The following NRXN1 variants were observed in gnomAD, a reference collection of about 807,000 sequenced individuals.
NRXN1 encodes the protein neurexin-1.
Under a neutral mutation model 150.9 loss-of-function variants are expected in NRXN1, and 39 were observed. The ratio of observed to expected loss-of-function variants is 0.26; its 90% CI spans 0.20 to 0.34. NRXN1 has a LOEUF of 0.34. NRXN1 is among the 10% of genes least tolerant of loss of function. NRXN1 has a pLI of 1.00. For synonymous variants in NRXN1, 924 were observed against 757.0 expected, an observed-to-expected ratio of 1.22 and a Z score of -3.62; for missense variants, 1,815 against 1,949.9, an observed-to-expected ratio of 0.93 and a Z score of 1.30.
chr2:50,236,793 T>C lies in NRXN1; in HGVS notation c.3542A>G (p.His1181Arg), dbSNP rs200915287. The C allele has an allele frequency of 1.1e-5, 17 of 1,612,738 alleles. No individual in the cohort carries two copies. The highest frequency in any genetic ancestry group is 1.4e-5 in the Non-Finnish European group (16 of 1,179,220). The change falls in exon 18 of 23, where the codon CAT (histidine) becomes CGT (arginine). Residue 1181 changes from histidine to arginine, a missense_variant. Physicochemically the swap from His to Arg is conservative, Grantham distance 29 (BLOSUM62 0). Transcript: ENST00000401669. ...SSGLGDYLEL[H>R]IHQGKIGVKF... ...TCTTATGCAAAAAGTACTTACTATATGCAGTTCTAGGTAGTCACCCAAGCC... is the reference window on the plus strand; with the variant it reads ...TCTTATGCAAAAAGTACTTACTATACGCAGTTCTAGGTAGTCACCCAAGCC...
chr2:50,596,184 T>G (rs1203477700), intron 8 of NRXN1, among the ~76,000 whole-genome samples: 1 of 152,190 alleles, frequency 6.6e-6, no homozygotes, highest in Non-Finnish European at 1.5e-5. Context: ...TAAAAATACA[T>G]TGCTTCTTTC....
intron 17 of NRXN1, among the ~76,000 whole-genome samples, chr2:50,250,513 C>T (rs1179265603): frequency 2.0e-5 from 3 of 151,794 alleles, no homozygotes; most frequent in African/African-American, 7.3e-5. Flanking sequence ...ATTAAATCTC[C>T]AGATAAATAC....
At chr2:50,109,612 TGAAAA>T (rs112012631) in intron 18 of NRXN1, among the ~76,000 whole-genome samples, 103 of 151,582 alleles carry the variant, frequency 6.8e-4, no homozygotes, top group African/African-American at 2.4e-3. Flanking sequence ...AAGAAACAAA[TGAAAA>T]GAAAAAGAAA....
intron 5 of NRXN1, among the ~76,000 whole-genome samples, chr2:50,706,304 T>C (rs1285322019): frequency 6.6e-6 from 1 of 152,188 alleles, no homozygotes; most frequent in African/African-American, 2.4e-5. Flanking sequence ...TATATAGTCA[T>C]TGCCTGTTCT....
At position 50,526,969 on chromosome 2, in the gene NRXN1, A is replaced by G. The variant is rs371915328; in HGVS notation, c.2374+1656T>C. Among the ~76,000 whole-genome samples the G allele has an allele frequency of 3.7e-4, 57 of 152,330 alleles. 1 individual carries two copies. In the South Asian group the frequency reaches 9.9e-3, roughly 27 times the overall value. On this transcript the variant is annotated intron_variant, in intron 12 of 22. Transcript: ENST00000401669. Reference sequence around the variant, plus strand: ...ATGGCAAACGAGTCTAACAAGGGTAATTATACTATAAACATACATTTAAAA... The same window carrying G: ...ATGGCAAACGAGTCTAACAAGGGTAGTTATACTATAAACATACATTTAAAA...
chr2:50,627,100 G>T (rs1008706599), intron 5 of NRXN1, among the ~76,000 whole-genome samples: 1 of 151,750 alleles, frequency 6.6e-6, no homozygotes, highest in Non-Finnish European at 1.5e-5. Context: ...TCCACATTTT[G>T]CCAAGGCTAC....
chr2:50,544,347 G>A (rs1261864549), intron 9 of NRXN1, among the ~76,000 whole-genome samples: 8 of 152,044 alleles, frequency 5.3e-5, no homozygotes, highest in Non-Finnish European at 1.2e-4. Context: ...GGTATTTGGT[G>A]ACAGTGTAAT....
intron 5 of NRXN1, among the ~76,000 whole-genome samples, chr2:50,834,138 A>C (rs574652552): frequency 6.6e-6 from 1 of 152,248 alleles, no homozygotes; most frequent in African/African-American, 2.4e-5. Flanking sequence ...ATCACTGACT[A>C]CCCAGCTGGG....
chr2:50,754,778 A>G (rs1280220413), intron 5 of NRXN1, among the ~76,000 whole-genome samples: 1 of 151,830 alleles, frequency 6.6e-6, no homozygotes, highest in Admixed American at 6.6e-5. Context: ...TTTTAAGCAA[A>G]TTTCATTATA....
chr2:51,001,105 G>A (rs1454669409), intron 2 of NRXN1, among the ~76,000 whole-genome samples: 1 of 151,664 alleles, frequency 6.6e-6, no homozygotes, highest in Admixed American at 6.6e-5. Flanking sequence ...ATAGATTTTT[G>A]TGTTTTGTTT....
intron 17 of NRXN1, among the ~76,000 whole-genome samples, chr2:50,435,374 T>C (rs575820990): frequency 2.3e-3 from 348 of 152,314 alleles, no homozygotes; most frequent in African/African-American, 7.9e-3. Flanking sequence ...GCAAGAAACT[T>C]TGAAAGATGA....
chr2:50,885,539 CA>C (rs1559393562), intron 5 of NRXN1, among the ~76,000 whole-genome samples: 2 of 151,094 alleles, frequency 1.3e-5, no homozygotes, highest in Non-Finnish European at 3.0e-5. Context: ...TGACAACTTC[CA>C]AAATGAAATT....
chr2:50,978,271 C>CATATATATATATATAT (rs10671122), intron 2 of NRXN1, among the ~76,000 whole-genome samples: 2,206 of 94,386 alleles, frequency 0.023, 87 homozygotes, highest in Non-Finnish European at 0.034. Context: ...GGATATTATA[C>CATATATATATATATAT]ATATATATAT....
At position 50,918,684 on chromosome 2, in the gene NRXN1, G is replaced by A. The variant is rs1001699996; in HGVS notation, c.832+3185C>T. 1.1e-5 allele frequency: 4 copies of A among 348,288 alleles called. No homozygotes were observed. The East Asian group carries it at 1.5e-4, about 13-fold the overall frequency. 21.6% of individuals were successfully genotyped at this position (348,288 alleles called of 1,614,324 possible). On this transcript the variant is annotated intron_variant, in intron 5 of 22. Transcript: ENST00000401669. The stretch of plus-strand genomic sequence containing the variant: ...ATCAAAGCAATTATTGGAATGAAGT[G>A]ACCAGTTACACATACATAGGAAAAG...
intron 19 of NRXN1, among the ~76,000 whole-genome samples, chr2:50,062,583 GT>G (rs1694717642): frequency 3.3e-5 from 5 of 152,102 alleles, no homozygotes; most frequent in Non-Finnish European, 1.5e-5. Flanking sequence ...GGAAATGAGA[GT>G]AATTACAAAG....
chr2:50,128,526 A>C (rs540110021), intron 18 of NRXN1, among the ~76,000 whole-genome samples: 1 of 152,330 alleles, frequency 6.6e-6, no homozygotes, highest in Admixed American at 6.5e-5. Context: ...ATGGATTTCC[A>C]AGAAAATGTG....
chr2:51,016,839 G>T (rs1668736737), intron 2 of NRXN1, among the ~76,000 whole-genome samples: 2 of 152,142 alleles, frequency 1.3e-5, no homozygotes, highest in Admixed American at 1.3e-4. Flanking sequence ...CAATTGCAAA[G>T]ACTTGAAACC....
chr2:50,829,576 T>C (rs912408172), intron 5 of NRXN1: 11 of 1,611,936 alleles, frequency 6.8e-6, no homozygotes, highest in African/African-American at 2.7e-5. Context: ...TGAAGGTCCA[T>C]GTAGCCATCG....
intron 5 of NRXN1, among the ~76,000 whole-genome samples, chr2:50,625,672 G>T (rs995748636): frequency 2.6e-5 from 4 of 152,018 alleles, no homozygotes; most frequent in Non-Finnish European, 5.9e-5. Flanking sequence ...AGGAAAATGT[G>T]GGTCAAAATA....
Sources: gnomAD v4.1 joint callset for allele counts (sites outside exome capture counted in the v4.1 genomes callset) on GRCh38, gnomAD v4.1.1 for gene constraint, MANE v1.5 for transcripts, NCBI Gene and HGNC (gene_info 2026-07-23, HGNC 2026-07-21) for gene names.